The following ZFYVE16 variants were observed in gnomAD, a reference collection of about 807,000 sequenced individuals.
ZFYVE16 encodes zinc finger FYVE domain-containing protein 16.
In ZFYVE16, 89 loss-of-function variants were observed where a neutral mutation model predicts 138.1. The observed-to-expected ratio is 0.64, with a 90% CI of 0.54 to 0.77. The LOEUF is 0.77. ZFYVE16 is among the 30% of genes least tolerant of loss of function. The pLI is 0.00. For missense variants in ZFYVE16, 1,793 were observed against 1,786.7 expected (o/e 1.00, Z -0.06); for synonymous variants, 596 against 618.3 (o/e 0.96, Z 0.53).
chr5:80,444,546 A>G (rs1175109933), intron 6 of ZFYVE16, among the ~76,000 whole-genome samples: 1 of 151,530 alleles, frequency 6.6e-6, no homozygotes, highest in Non-Finnish European at 1.5e-5. Context: ...GTTTATGCTG[A>G]TATCTAGTTA....
intron 1 of ZFYVE16, among the ~76,000 whole-genome samples, chr5:80,417,121 A>C (rs1373510068): frequency 6.6e-6 from 1 of 152,044 alleles, no homozygotes; most frequent in African/African-American, 2.4e-5. Flanking sequence ...CCATTTACTT[A>C]CTTGTTCAAT....
rs750207912 is a variant in ZFYVE16, at chr5:80,450,581, T to C, written c.3377T>C (p.Leu1126Pro). Residue 1126 changes from leucine (L) to proline (P), a missense_variant, in exon 10 of 19, where the codon CTA (leucine) becomes CCA (proline). By Grantham distance (98) the Leu-to-Pro change is moderately conservative. Around this residue, in one of 2 missense-constraint regions of ZFYVE16, gnomAD observed 498 missense variants for 582.4 expected, o/e 0.86. Coordinates refer to ENST00000505560, the MANE Select transcript of ZFYVE16 (RefSeq NM_001284236.3). Reference sequence around the variant, plus strand: ...TTTATCACCATATATAAGGATGCTCTAAAAGGTATGGCATTTTATTTTGAA... The same window carrying C: ...TTTATCACCATATATAAGGATGCTCCAAAAGGTATGGCATTTTATTTTGAA... ...RLFITIYKDALKGKYIENLDN... is the reference protein window; with the variant it reads ...RLFITIYKDAPKGKYIENLDN... 1.2e-5 allele frequency: 19 copies of C among 1,612,902 alleles called. No homozygotes were observed. Among genetic ancestry groups the C allele is most frequent in the Non-Finnish European group, 1.4e-5 (17 of 1,179,538 alleles).
intron 15 of ZFYVE16, among the ~76,000 whole-genome samples, chr5:80,462,084 T>G (rs2112500581): frequency 6.6e-6 from 1 of 152,340 alleles, no homozygotes; most frequent in South Asian, 2.1e-4. Flanking sequence ...CAGTTACATT[T>G]CAGGGTTAGG....
rs1241766768 is a variant in ZFYVE16, at chr5:80,480,343, G to A, written c.*2966G>A. On this transcript the variant is annotated 3_prime_UTR_variant, in exon 19 of 19. Coordinates refer to ENST00000505560, the MANE Select transcript of ZFYVE16 (RefSeq NM_001284236.3). ...GCACTTTAAAACTCAGTAAATAGAT[G>A]TAATAGAATGTAGCCAATTGGGGTA... Among the ~76,000 whole-genome samples the A allele has an allele frequency of 6.6e-6, 1 of 152,088 alleles. No homozygotes were observed. Among genetic ancestry groups the A allele is most frequent in the African/African-American group, 2.4e-5 (1 of 41,430 alleles).
intron 2 of ZFYVE16, among the ~76,000 whole-genome samples, chr5:80,433,702 A>G (rs1268529287): frequency 2.0e-5 from 3 of 151,294 alleles, no homozygotes; most frequent in African/African-American, 7.3e-5. Flanking sequence ...TAAAAAAAGA[A>G]AAAAAAAAGC....
In ZFYVE16 at chr5:80,438,835, G is replaced by A; in HGVS notation, c.2150G>A (p.Ser717Asn). The A allele has an allele frequency of 1.2e-6, 2 of 1,614,084 alleles. No individual in the cohort carries two copies. Among genetic ancestry groups the A allele is most frequent in the Non-Finnish European group, 1.7e-6 (2 of 1,179,952 alleles). Reference sequence around the variant, plus strand: ...GAAAGTAATTCTGAAGGTGGATCTAGTTTCGTAACTGCAAATGAAGATTCT... The same window carrying A: ...GAAAGTAATTCTGAAGGTGGATCTAATTTCGTAACTGCAAATGAAGATTCT... ...DIESNSEGGS[S>N]FVTANEDSVP... Residue 717 changes from serine (S) to asparagine (N), a missense_variant, in exon 4 of 19, where the codon AGT becomes AAT. Ser to Asn is a conservative substitution (Grantham distance 46, BLOSUM62 1). This residue lies in a region of ZFYVE16 where 1,295 missense variants were observed against 1,204.3 expected (regional missense o/e 1.08). Transcript: ENST00000505560.
rs1349102599 is a variant in ZFYVE16, at chr5:80,443,429, TG to T, written c.2581+147del. ...CAGGGAATTGGTTACACATGCAGGC[TG>T]GAAGACTGGAAGAGCAAAAAGGCTG... On this transcript the variant is annotated intron_variant, in intron 6 of 18. Coordinates refer to ENST00000505560, the MANE Select transcript of ZFYVE16 (RefSeq NM_001284236.3). The T allele has an allele frequency of 1.3e-5, 13 of 969,672 alleles. No individual in the cohort carries two copies. The African/African-American group carries it at 2.0e-4, about 15-fold the overall frequency. The allele number at this position is 969,672 out of a possible 1,614,324, so 60.1% of individuals were successfully genotyped here.
intron 1 of ZFYVE16, 135 bp downstream of exon 1, chr5:80,408,288 C>T (rs1006843338): frequency 1.3e-5 from 2 of 152,456 alleles, no homozygotes; most frequent in Non-Finnish European, 2.9e-5. Flanking sequence ...GAGCCTGGGC[C>T]CCGACCGATT....
chr5:80,452,845 T>C (rs1020377973), intron 11 of ZFYVE16, among the ~76,000 whole-genome samples: 7 of 152,240 alleles, frequency 4.6e-5, no homozygotes, highest in Admixed American at 2.0e-4. Flanking sequence ...TATTTACTTA[T>C]CTACCCTTGA....
At chr5:80,468,790 T>C (rs1461470048) in intron 15 of ZFYVE16, among the ~76,000 whole-genome samples, 1 of 152,210 alleles carries the variant, frequency 6.6e-6, no homozygotes, top group African/African-American at 2.4e-5. Context: ...CCACATTATA[T>C]ACTCTTATTT....
rs749338847 is a variant in ZFYVE16 at position 80,458,032 on chromosome 5, T to TAA, written c.3943+960_3943+961dup. ...CAGAGAAACAGAGCGAGACTACGTCTAAAAAAAAAAAAAAAAAAAAAGGTG... is the reference window on the plus strand; with the variant it reads ...CAGAGAAACAGAGCGAGACTACGTCTAAAAAAAAAAAAAAAAAAAAAAAGGTG... On this transcript the variant is annotated intron_variant, in intron 14 of 18. Coordinates refer to ENST00000505560, the MANE Select transcript of ZFYVE16 (RefSeq NM_001284236.3). Among the ~76,000 whole-genome samples, 167 of 73,564 alleles carry TAA rather than the reference T, an allele frequency of 2.3e-3. 1 individual carries two copies. The highest frequency in any genetic ancestry group is 7.6e-3 in the African/African-American group (151 of 19,910). The allele number at this position is 73,564 out of a possible 152,430, so 48.3% of individuals were successfully genotyped here. A position where few individuals can be genotyped will look rare whatever the true frequency, so the allele number is the denominator to read the frequency against.
Position 80,448,092 on chromosome 5 carries a change from A to G in ZFYVE16, c.2791A>G (p.Ile931Val). 6.2e-7 allele frequency: 1 copy of G among 1,613,890 alleles called. No homozygotes were observed. Among genetic ancestry groups the G allele is most frequent in the Non-Finnish European group, 8.5e-7 (1 of 1,179,870 alleles). ...AAAGCCAAACAATGAGACAGGAGAT[A>G]TTACAAGAAATGAGATAATTCAGAG... Reference protein sequence around the residue: ...VEKPNNETGDITRNEIIQSPI... With the variant: ...VEKPNNETGDVTRNEIIQSPI... Residue 931 changes from isoleucine to valine, a missense_variant, in exon 8 of 19, where the codon ATT becomes GTT. Physicochemically the swap from Ile to Val is conservative, Grantham distance 29. This residue lies in a region of ZFYVE16 where 1,295 missense variants were observed against 1,204.3 expected (regional missense o/e 1.08). Coordinates refer to ENST00000505560, the MANE Select transcript of ZFYVE16 (RefSeq NM_001284236.3).
intron 1 of ZFYVE16, among the ~76,000 whole-genome samples, chr5:80,416,993 A>G (rs555592609): frequency 2.2e-4 from 34 of 152,340 alleles, no homozygotes; most frequent in East Asian, 1.9e-3. Context: ...TAAGCTGAAC[A>G]TGAATTTATA....
chr5:80,468,370 A>G (rs1753947901), intron 15 of ZFYVE16, among the ~76,000 whole-genome samples: 1 of 152,198 alleles, frequency 6.6e-6, no homozygotes. Context: ...CACTTACACA[A>G]ACCTAAATAG....
In ZFYVE16 at chr5:80,479,608, CTAGGA is replaced by C. The variant is rs1328414889; in HGVS notation, c.*2234_*2238del. ...ACTACTTGTTTCTGAAAATTGCATG[CTAGGA>C]TATTTACATCATGTTCCTGTTGAAA... On this transcript the variant is annotated 3_prime_UTR_variant, in exon 19 of 19. Transcript: ENST00000505560. Among the ~76,000 whole-genome samples, 1 of 152,096 alleles carries C rather than the reference CTAGGA, an allele frequency of 6.6e-6. No individual in the cohort carries two copies. The highest frequency in any genetic ancestry group is 2.4e-5 in the African/African-American group (1 of 41,412).
At chr5:80,426,224 G>GTA (rs1561245717) in intron 1 of ZFYVE16, among the ~76,000 whole-genome samples, 4 of 141,990 alleles carry the variant, frequency 2.8e-5, no homozygotes, top group African/African-American at 7.9e-5. Flanking sequence ...GTGTGTGTGT[G>GTA]TGTGTATGTG....
intron 1 of ZFYVE16, among the ~76,000 whole-genome samples, chr5:80,417,047 T>C (rs955708548): frequency 4.7e-4 from 72 of 152,344 alleles, no homozygotes; most frequent in Non-Finnish European, 9.4e-4. Context: ...GATTATTTTA[T>C]CTTCCTCCCC....
chr5:80,472,616 C>T, intron 15 of ZFYVE16, 145 bp from the exon 16 acceptor site: 1 of 831,904 alleles, frequency 1.2e-6, no homozygotes, highest in Non-Finnish European at 1.8e-6. Context: ...GTCTTATTTC[C>T]TAGTGGAAAA....
intron 6 of ZFYVE16, among the ~76,000 whole-genome samples, chr5:80,444,829 G>A (rs1751119770): frequency 6.6e-6 from 1 of 151,546 alleles, no homozygotes; most frequent in Non-Finnish European, 1.5e-5. Flanking sequence ...TTTCATCACT[G>A]TACTTTAGTC....
Sources: allele counts gnomAD v4.1 joint callset (sites outside exome capture counted in the v4.1 genomes callset), GRCh38; gene constraint gnomAD v4.1.1; regional missense constraint gnomAD v4.1.1; transcripts MANE v1.5; gene names NCBI Gene and HGNC (gene_info 2026-07-23, HGNC 2026-07-21).